Variants in DLGAP1 observed in about 807,000 individuals in gnomAD.
DLGAP1 encodes the protein disks large-associated protein 1.
A neutral mutation model predicts 90.8 loss-of-function variants in DLGAP1; 11 were observed. That is an observed-to-expected ratio of 0.12 (90% confidence interval 0.08 to 0.20). The LOEUF is 0.20. Ranked by LOEUF, DLGAP1 falls within the 10% of genes least tolerant of loss-of-function variation. DLGAP1 has a pLI of 1.00. For missense variants in DLGAP1, 1,050 were observed against 1,333.8 expected, an observed-to-expected ratio of 0.79 and a Z score of 3.31; for synonymous variants, 558 against 540.7, an observed-to-expected ratio of 1.03 and a Z score of -0.44.
At position 3,869,154 on chromosome 18, in the gene DLGAP1, G is replaced by GTT. The variant is rs71368714; in HGVS notation, c.957+9956_957+9957dup. Among the ~76,000 whole-genome samples, 474 of 141,898 alleles carry GTT rather than the reference G, an allele frequency of 3.3e-3. 3 individuals carry two copies. The highest frequency in any genetic ancestry group is 0.01 in the South Asian group (46 of 4,496). 93.1% of individuals were successfully genotyped at this position (141,898 alleles called of 152,430 possible). A position where few individuals can be genotyped will look rare whatever the true frequency, so the allele number is the denominator to read the frequency against. ...GAAAACAAAAGCAAGTGTGTATTGC[G>GTT]TTTTTTTTTTTTTTCCCTGTATGAA... On this transcript the variant is annotated intron_variant, in intron 4 of 12. Transcript: ENST00000315677.
intron 7 of DLGAP1, among the ~76,000 whole-genome samples, chr18:3,583,167 TACCTACCTACCTA>T (rs2055641940): frequency 1.8e-5 from 2 of 110,994 alleles, no homozygotes; most frequent in African/African-American, 5.7e-5. Context: ...CCTACCTACC[TACCTACCTACCTA>T]CCTACCTTCC....
chr18:4,193,931 AAATT>A (rs556630578), intron 1 of DLGAP1, among the ~76,000 whole-genome samples: 8 of 152,310 alleles, frequency 5.3e-5, no homozygotes, highest in African/African-American at 1.9e-4. Flanking sequence ...AGAGATGAAG[AAATT>A]AATTTTCAGA....
At chr18:4,393,089 A>G (rs1483772953) in intron 1 of DLGAP1, among the ~76,000 whole-genome samples, 1 of 152,176 alleles carries the variant, frequency 6.6e-6, no homozygotes, top group African/African-American at 2.4e-5. Context: ...AAATTCCTAC[A>G]GTTGGTTTCT....
chr18:3,600,749 T>G (rs62084028), intron 7 of DLGAP1, among the ~76,000 whole-genome samples: 399 of 12,702 alleles, frequency 0.031, 6 homozygotes, highest in Non-Finnish European at 0.044. Context: ...GATATATAGA[T>G]ATATATAGAT....
intron 1 of DLGAP1, among the ~76,000 whole-genome samples, chr18:4,301,662 A>T (rs1225964764): frequency 5.3e-5 from 8 of 152,186 alleles, no homozygotes; most frequent in Admixed American, 5.2e-4. Context: ...TTCAGGGTAA[A>T]TACCAAAAAG....
chr18:3,587,578 C>T (rs1323930183), intron 7 of DLGAP1, among the ~76,000 whole-genome samples: 1 of 152,136 alleles, frequency 6.6e-6, no homozygotes, highest in African/African-American at 2.4e-5. Context: ...AGTTGGCCAC[C>T]CCAGCCAGCA....
intron 3 of DLGAP1, among the ~76,000 whole-genome samples, chr18:3,927,699 T>C (rs901563989): frequency 2.6e-5 from 4 of 152,230 alleles, no homozygotes; most frequent in Admixed American, 6.5e-5. Flanking sequence ...TTTATATTCA[T>C]AGAGTCTTTA....
intron 10 of DLGAP1, among the ~76,000 whole-genome samples, chr18:3,522,261 C>G (rs540989805): frequency 4.6e-5 from 7 of 151,706 alleles, no homozygotes; most frequent in Non-Finnish European, 7.4e-5. Flanking sequence ...CTCAGCCTCC[C>G]GAGTAGCTGG....
At chr18:3,803,189 T>C (rs1382692149) in intron 5 of DLGAP1, among the ~76,000 whole-genome samples, 1 of 152,172 alleles carries the variant, frequency 6.6e-6, no homozygotes, top group African/African-American at 2.4e-5. Context: ...ATTGGACGAC[T>C]GGACCCCCCC....
At chr18:4,142,931 G>T (rs1167350204) in intron 2 of DLGAP1, among the ~76,000 whole-genome samples, 2 of 149,840 alleles carry the variant, frequency 1.3e-5, no homozygotes, top group African/African-American at 5.1e-5. Context: ...GCCAGGCAAA[G>T]ACTCTTGTTC....
rs1223463546 is a variant in DLGAP1, at chr18:3,775,326, G to A, written c.1173-32814C>T. On this transcript the variant is annotated intron_variant, in intron 5 of 12. Coordinates refer to ENST00000315677, the MANE Select transcript of DLGAP1 (RefSeq NM_004746.4). The surrounding 1 kb of genome is among the most constrained non-coding windows in gnomAD (Gnocchi z 4.9). ...CAAATTGTCATCCTCACATGTTGGC[G>A]GAAGGGCCTGGTGGGAGGTGACTGA... Among the ~76,000 whole-genome samples the A allele has an allele frequency of 6.6e-6, 1 of 152,176 alleles. No individual in the cohort carries two copies. The highest frequency in any genetic ancestry group is 1.5e-5 in the Non-Finnish European group (1 of 68,044).
chr18:4,420,431 G>A (rs1185081073), intron 1 of DLGAP1, among the ~76,000 whole-genome samples: 1 of 152,038 alleles, frequency 6.6e-6, no homozygotes, highest in Non-Finnish European at 1.5e-5. Context: ...CTATATTCTG[G>A]CTTATAAAAA....
chr18:3,862,930 G>C lies in DLGAP1; in HGVS notation c.957+16182C>G, dbSNP rs140648122. 3.9e-3 allele frequency among the ~76,000 whole-genome samples: 595 copies of C among 152,370 alleles called. 6 individuals carry two copies. The highest frequency in any genetic ancestry group is 0.013 in the African/African-American group (548 of 41,602). ...GCTTTGGGCACACAGAAAACTACCA[G>C]GCAATTTGGACACCTCTAATCACTG... On this transcript the variant is annotated intron_variant, in intron 4 of 12. Coordinates refer to ENST00000315677, the MANE Select transcript of DLGAP1 (RefSeq NM_004746.4).
chr18:3,891,687 C>A (rs955810445), intron 3 of DLGAP1, among the ~76,000 whole-genome samples: 2 of 152,014 alleles, frequency 1.3e-5, no homozygotes, highest in African/African-American at 2.4e-5. Context: ...CTCAAACAAC[C>A]CAATATGGTA....
In DLGAP1 at chr18:3,879,730, G is replaced by A; in HGVS notation, c.339C>T (p.Leu113=). Reference sequence around the variant, plus strand: ...GCAGGGTGTGATAGCCATCGCGGCTGAGTGGCAGCTGCCGCTCGAACTGGT... The same window carrying A: ...GCAGGGTGTGATAGCCATCGCGGCTAAGTGGCAGCTGCCGCTCGAACTGGT... The part of the protein sequence containing the change: ...LLDQFERQLP[L]SRDGYHTLQY... Residue 113 remains leucine, a synonymous_variant, in exon 4 of 13, where the codon CTC becomes CTT. Transcript: ENST00000315677. This position sits in a 1 kb window ranked among gnomAD's most constrained non-coding sequence, Gnocchi z 6.6. 6.2e-7 allele frequency: 1 copy of A among 1,607,824 alleles called. No individual in the cohort carries two copies. Among genetic ancestry groups the A allele is most frequent in the South Asian group, 1.1e-5 (1 of 91,076 alleles).
rs943885781 is a variant in DLGAP1, at chr18:4,454,302, T to C, written c.-267+704A>G. Among the ~76,000 whole-genome samples the C allele has an allele frequency of 9.2e-5, 14 of 152,150 alleles. No homozygotes were observed. The highest frequency in any genetic ancestry group is 1.2e-4 in the Non-Finnish European group (8 of 68,020). On this transcript the variant is annotated intron_variant, in intron 1 of 12. Coordinates refer to ENST00000315677, the MANE Select transcript of DLGAP1 (RefSeq NM_004746.4). This position sits in a 1 kb window ranked among gnomAD's most constrained non-coding sequence, Gnocchi z 4.7. Reference sequence around the variant, plus strand: ...CTTGGTTCCAGCCCGGCTCATTCAATTCGCTGAATGTCGGGTCTCCCGGCC... The same window carrying C: ...CTTGGTTCCAGCCCGGCTCATTCAACTCGCTGAATGTCGGGTCTCCCGGCC...
chr18:4,203,974 G>A (rs971244711), intron 1 of DLGAP1, among the ~76,000 whole-genome samples: 1 of 152,138 alleles, frequency 6.6e-6, no homozygotes, highest in Non-Finnish European at 1.5e-5. Flanking sequence ...TAGCATCTCC[G>A]CAAACACAAG....
At chr18:4,328,270 G>C (rs1477778674) in intron 1 of DLGAP1, among the ~76,000 whole-genome samples, 1 of 151,606 alleles carries the variant, frequency 6.6e-6, no homozygotes, top group Non-Finnish European at 1.5e-5. Flanking sequence ...AATTTACAAG[G>C]GCTCAGCCAA....
intron 4 of DLGAP1, among the ~76,000 whole-genome samples, chr18:3,836,893 T>C (rs1254428336): frequency 4.6e-5 from 7 of 152,142 alleles, no homozygotes; most frequent in Admixed American, 4.6e-4. Context: ...CGTGGTAGAT[T>C]TCTGAGCACC....
Sources: allele counts gnomAD v4.1 joint callset (sites outside exome capture counted in the v4.1 genomes callset), GRCh38; gene constraint gnomAD v4.1.1; non-coding constraint Gnocchi (gnomAD v3.1); transcripts MANE v1.5; gene names NCBI Gene and HGNC (gene_info 2026-07-23, HGNC 2026-07-21).